The following KHK variants were observed in gnomAD, a reference collection of about 807,000 sequenced individuals.
The protein encoded by KHK is fructokinase.
KHK carries 37 observed loss-of-function variants against 36.0 expected under a neutral mutation model. The observed-to-expected ratio is 1.03, with a 90% CI of 0.79 to 1.35. The LOEUF is 1.35. KHK is among the 40% of genes most tolerant of loss of function. KHK has a pLI of 0.00. For missense variants in KHK, 395 were observed against 391.9 expected (o/e 1.01, Z -0.07); for synonymous variants, 161 against 162.8 (o/e 0.99, Z 0.08).
intron 1 of KHK, among the ~76,000 whole-genome samples, chr2:27,087,644 G>C (rs901009180): frequency 6.6e-6 from 1 of 152,190 alleles, no homozygotes; most frequent in African/African-American, 2.4e-5. Context: ...CCATTTTACT[G>C]ATAAGTATAG....
intron 1 of KHK, among the ~76,000 whole-genome samples, chr2:27,089,575 A>C (rs1324354324): frequency 6.6e-6 from 1 of 152,166 alleles, no homozygotes; most frequent in Admixed American, 6.5e-5. Context: ...GCAGGTTCTG[A>C]AGGTGGGCAC....
At chr2:27,099,623 C>T (rs781712588) in intron 7 of KHK, 42 bp from the exon 8 acceptor site, 15 of 1,613,898 alleles carry the variant, frequency 9.3e-6, no homozygotes, top group South Asian at 4.4e-5. Flanking sequence ...CCTGTCCCTG[C>T]CCCAAACACC....
At position 27,100,378 on chromosome 2, in the gene KHK, C is replaced by G; in HGVS notation, c.*628C>G. 2 of 1,239,396 alleles carry G rather than the reference C, an allele frequency of 1.6e-6. No homozygotes were observed. The highest frequency in any genetic ancestry group is 2.5e-5 in the South Asian group (2 of 79,938). 76.8% of individuals were successfully genotyped at this position (1,239,396 alleles called of 1,614,324 possible). A position where few individuals can be genotyped will look rare whatever the true frequency, so the allele number is the denominator to read the frequency against. ...GTCCAGAAATACCTCCTCCCGCTGA[C>G]TGCCCCAGAGCCTGAAAGTCTCACC... is the stretch of plus-strand genomic sequence containing the variant. On this transcript the variant is annotated 3_prime_UTR_variant, in exon 8 of 8. Transcript: ENST00000260598.
chr2:27,090,890 C>A (rs999183200), intron 1 of KHK, among the ~76,000 whole-genome samples: 3 of 151,826 alleles, frequency 2.0e-5, no homozygotes, highest in Admixed American at 6.5e-5. Context: ...GCCATCTCTA[C>A]GAAAAAATTT....
chr2:27,099,581 A>T lies in KHK; in HGVS notation c.811+4A>T. 7 of 1,614,112 alleles carry T rather than the reference A, an allele frequency of 4.3e-6. No homozygotes were observed. The highest frequency in any genetic ancestry group is 5.9e-6 in the Non-Finnish European group (7 of 1,180,010). On this transcript the variant is annotated splice_donor_region_variant and intron_variant, in intron 7 of 7. Coordinates refer to ENST00000260598, the MANE Select transcript of KHK (RefSeq NM_006488.3). ...GTCATCTTCAGCCTCTCCCAGGGTG[A>T]GTATGGCAGCAGGAGGGGAAAAGGA...
Position 27,100,158 on chromosome 2 carries a change from C to G in KHK, c.*408C>G, listed in dbSNP as rs895908881. On this transcript the variant is annotated 3_prime_UTR_variant, in exon 8 of 8. Transcript: ENST00000260598. The stretch of plus-strand genomic sequence containing the variant: ...AGCTCTGCCCTGGCTGGGGAGGACA[C>G]TCGGTGCCCCACACCCAGTGAACCT... 3 of 497,414 alleles carry G rather than the reference C, an allele frequency of 6.0e-6. No homozygotes were observed. Among genetic ancestry groups the G allele is most frequent in the African/African-American group, 5.8e-5 (3 of 51,394 alleles). The allele number at this position is 497,414 out of a possible 1,614,324, so 30.8% of individuals were successfully genotyped here. A position where few individuals can be genotyped will look rare whatever the true frequency, so the allele number is the denominator to read the frequency against.
At chr2:27,099,372 G>A (rs1203023313) in intron 6 of KHK, 48 bp from the exon 7 acceptor site, 2 of 1,611,778 alleles carry the variant, frequency 1.2e-6, no homozygotes, top group East Asian at 2.2e-5. Context: ...GAGGATGGCT[G>A]GGGGGACGGG....
Position 27,099,877 on chromosome 2 carries a change from C to G in KHK, c.*127C>G. The stretch of plus-strand genomic sequence containing the variant: ...ACAGATGCAAGCTGTGGGGAGGACT[C>G]TGCCTGTGTCCTGTGTTCCCCACAG... On this transcript the variant is annotated 3_prime_UTR_variant, in exon 8 of 8. Transcript: ENST00000260598. The G allele has an allele frequency of 1.3e-6, 2 of 1,549,052 alleles. No homozygotes were observed. The highest frequency in any genetic ancestry group is 1.7e-6 in the Non-Finnish European group (2 of 1,146,184).
rs116026105 is a variant in KHK at position 27,099,732 on chromosome 2, C to A, written c.879C>A (p.Gly293=). The A allele has an allele frequency of 1.3e-3, 2,108 of 1,614,114 alleles. 24 individuals carry two copies. In the African/African-American group the frequency reaches 0.024, roughly 19 times the overall value. Reference sequence around the variant, plus strand: ...CCGGCAAGAAGTGTGGCCTGCAGGGCTTTGATGGCATCGTGTGAGAGCAGG... The same window carrying A: ...CCGGCAAGAAGTGTGGCCTGCAGGGATTTGATGGCATCGTGTGAGAGCAGG... ...QVAGKKCGLQ[G]FDGIV Residue 293 remains glycine (G), a synonymous_variant, in exon 8 of 8, where the codon GGC becomes GGA. Coordinates refer to ENST00000260598, the MANE Select transcript of KHK (RefSeq NM_006488.3).
intron 2 of KHK, chr2:27,094,431 A>C (rs1160624314): frequency 6.2e-7 from 1 of 1,608,986 alleles, no homozygotes. Context: ...CAGTCCCCAA[A>C]ACCCTTGTCG....
intron 3 of KHK, among the ~76,000 whole-genome samples, chr2:27,095,607 T>A (rs151277878): frequency 2.0e-5 from 3 of 152,254 alleles, no homozygotes. Context: ...GCCTAGACAC[T>A]TCTTATCCCT....
At chr2:27,094,732 G>C in intron 2 of KHK, 68 bp from the exon 3 acceptor site, 1 of 1,613,464 alleles carries the variant, frequency 6.2e-7, no homozygotes, top group Non-Finnish European at 8.5e-7. Flanking sequence ...CCTTTTGGAG[G>C]TCCAGACCAC....
rs1259745759 is a variant in KHK, at chr2:27,099,913, T to TG, written c.*169dup. 9.4e-6 allele frequency: 14 copies of TG among 1,491,872 alleles called. No homozygotes were observed. In the East Asian group the frequency reaches 1.5e-4, roughly 16 times the overall value. 92.4% of individuals were successfully genotyped at this position (1,491,872 alleles called of 1,614,324 possible). ...CTGTGTTCCCCACAGGGAGAGGCTC[T>TG]GGGGGGATGGCTGGGGGATGCAGAG... is the stretch of plus-strand genomic sequence containing the variant. On this transcript the variant is annotated 3_prime_UTR_variant, in exon 8 of 8. Transcript: ENST00000260598.
chr2:27,096,840 T>G, intron 4 of KHK, 39 bp downstream of exon 4: 1 of 1,462,950 alleles, frequency 6.8e-7, no homozygotes, highest in Non-Finnish European at 9.6e-7. Context: ...GGGCTCAACC[T>G]GCCAGCCTCC....
intron 2 of KHK, chr2:27,094,442 A>G (rs1670201643): frequency 6.2e-7 from 1 of 1,610,776 alleles, no homozygotes; most frequent in South Asian, 1.1e-5. Context: ...ACCCTTGTCG[A>G]ACTGCACCCC....
chr2:27,095,822 G>A (rs79167624), intron 3 of KHK, among the ~76,000 whole-genome samples: 33 of 152,368 alleles, frequency 2.2e-4, no homozygotes, highest in Non-Finnish European at 4.4e-4. Context: ...GCAGGCATAT[G>A]TGCTACAGGT....
intron 4 of KHK, 56 bp downstream of exon 4, chr2:27,096,857 T>C: frequency 1.6e-6 from 2 of 1,268,966 alleles, no homozygotes; most frequent in Non-Finnish European, 2.3e-6. Context: ...CTCCTCCACA[T>C]GTTCTGCCTC....
At chr2:27,091,515 T>C (rs1167724985) in intron 1 of KHK, among the ~76,000 whole-genome samples, 1 of 152,250 alleles carries the variant, frequency 6.6e-6, no homozygotes, top group Non-Finnish European at 1.5e-5. Flanking sequence ...TCTTTGGTAC[T>C]GTTCCTTTTA....
chr2:27,095,164 C>A (rs1252777571), intron 3 of KHK, among the ~76,000 whole-genome samples: 2 of 152,178 alleles, frequency 1.3e-5, no homozygotes, highest in African/African-American at 4.8e-5. Flanking sequence ...TTGGTCAACA[C>A]CAAAGAAGGG....
Sources: gnomAD v4.1 joint callset for allele counts (sites outside exome capture counted in the v4.1 genomes callset) on GRCh38, gnomAD v4.1.1 for gene constraint, MANE v1.5 for transcripts, NCBI Gene and HGNC (gene_info 2026-07-23, HGNC 2026-07-21) for gene names.